Variants in ANKS1B observed in about 807,000 individuals in gnomAD.
ANKS1B encodes ankyrin repeat and sterile alpha motif domain containing 1B.
Under a neutral mutation model 148.3 loss-of-function variants are expected in ANKS1B, and 36 were observed. The observed-to-expected ratio is 0.24, with a 90% CI of 0.19 to 0.32. ANKS1B has a LOEUF of 0.32. Ranked by LOEUF, ANKS1B falls within the 10% of genes least tolerant of loss-of-function variation. ANKS1B has a pLI of 1.00. For synonymous variants in ANKS1B, 542 were observed against 560.8 expected, an observed-to-expected ratio of 0.97 and a Z score of 0.47; for missense variants, 1,157 against 1,542.6, an observed-to-expected ratio of 0.75 and a Z score of 4.19.
chr12:99,143,038 T>C (rs540995976), intron 15 of ANKS1B, among the ~76,000 whole-genome samples: 2 of 152,270 alleles, frequency 1.3e-5, no homozygotes, highest in South Asian at 2.1e-4. Flanking sequence ...AAACTTGAGA[T>C]ACATTTGTTT....
At chr12:99,595,049 T>G (rs147303078) in intron 9 of ANKS1B, among the ~76,000 whole-genome samples, 8 of 151,970 alleles carry the variant, frequency 5.3e-5, no homozygotes, top group Non-Finnish European at 1.0e-4. Flanking sequence ...TGAAAGAGCA[T>G]AGACTTTGGT....
intron 12 of ANKS1B, among the ~76,000 whole-genome samples, chr12:99,369,901 G>A (rs2093030537): frequency 6.7e-6 from 1 of 148,640 alleles, no homozygotes; most frequent in Non-Finnish European, 1.5e-5. Flanking sequence ...GATAAAATAT[G>A]GCAAATGTTA....
At chr12:99,184,957 A>C (rs191224751) in intron 14 of ANKS1B, among the ~76,000 whole-genome samples, 126 of 152,364 alleles carry the variant, frequency 8.3e-4, no homozygotes, top group Non-Finnish European at 1.5e-3. Flanking sequence ...TCACATATAC[A>C]TCCTATATAT....
chr12:99,283,028 G>A (rs1298379907), intron 12 of ANKS1B, among the ~76,000 whole-genome samples: 1 of 152,138 alleles, frequency 6.6e-6, no homozygotes, highest in African/African-American at 2.4e-5. Flanking sequence ...ACGTTTAGGG[G>A]TCAAAGAAAA....
intron 19 of ANKS1B, among the ~76,000 whole-genome samples, chr12:98,819,568 C>A (rs768479738): frequency 6.6e-6 from 1 of 152,174 alleles, no homozygotes; most frequent in African/African-American, 2.4e-5. Flanking sequence ...ATCAACTAGA[C>A]CTTTTCCAAT....
At chr12:99,214,497 A>T (rs939970789) in intron 14 of ANKS1B, among the ~76,000 whole-genome samples, 1 of 152,166 alleles carries the variant, frequency 6.6e-6, no homozygotes, top group African/African-American at 2.4e-5. Flanking sequence ...TATAAGGGGC[A>T]GTTCCCCTGC....
intron 12 of ANKS1B, among the ~76,000 whole-genome samples, chr12:99,349,980 G>A (rs897001238): frequency 4.6e-5 from 7 of 151,906 alleles, no homozygotes; most frequent in Non-Finnish European, 8.8e-5. Context: ...AATAAAAAAC[G>A]TTTACCTATT....
At chr12:99,010,378 T>C (rs1439355866) in intron 17 of ANKS1B, among the ~76,000 whole-genome samples, 1 of 152,166 alleles carries the variant, frequency 6.6e-6, no homozygotes, top group African/African-American at 2.4e-5. Context: ...ATAGAGTAAA[T>C]GCTAGTTGTT....
intron 25 of ANKS1B, among the ~76,000 whole-genome samples, chr12:98,754,374 T>C (rs2098177958): frequency 6.6e-6 from 1 of 152,210 alleles, no homozygotes; most frequent in African/African-American, 2.4e-5. Context: ...CTGTCAGCTT[T>C]GCCTCTTAGT....
chr12:99,098,775 C>T (rs763398908), intron 15 of ANKS1B, among the ~76,000 whole-genome samples: 2 of 151,028 alleles, frequency 1.3e-5, no homozygotes, highest in Non-Finnish European at 2.9e-5. Context: ...CCCCCACCCC[C>T]AGCTCTGCCA....
At chr12:99,732,477 C>T (rs1481917918) in intron 8 of ANKS1B, among the ~76,000 whole-genome samples, 1 of 152,064 alleles carries the variant, frequency 6.6e-6, no homozygotes, top group East Asian at 1.9e-4. Context: ...ATGAAAATAT[C>T]AGTGAAAGAA....
In ANKS1B at chr12:99,382,697, TA is replaced by T. The variant is rs398044709; in HGVS notation, c.1756+16933del. On this transcript the variant is annotated intron_variant, in intron 12 of 26. Transcript: ENST00000683438. ...TGGGTTGCAGAGTGGGACTCTGTATTAAAAAAAAAAAAAAAAAAAAAGAGAG... is the reference window on the plus strand; with the variant it reads ...TGGGTTGCAGAGTGGGACTCTGTATTAAAAAAAAAAAAAAAAAAAAGAGAG... Among the ~76,000 whole-genome samples, 30 of 82,246 alleles carry T rather than the reference TA, an allele frequency of 3.6e-4. 1 individual carries two copies. The highest frequency in any genetic ancestry group is 1.7e-3 in the South Asian group (3 of 1,802). The allele number at this position is 82,246 out of a possible 152,430, so 54.0% of individuals were successfully genotyped here. A position where few individuals can be genotyped will look rare whatever the true frequency, so the allele number is the denominator to read the frequency against.
chr12:99,510,637 A>G (rs1347284147), intron 9 of ANKS1B, among the ~76,000 whole-genome samples: 2 of 152,030 alleles, frequency 1.3e-5, no homozygotes, highest in Non-Finnish European at 2.9e-5. Context: ...CCTGGTGAAG[A>G]TGCTGTGAAC....
At chr12:98,789,911 A>G (rs1296799426) in intron 22 of ANKS1B, among the ~76,000 whole-genome samples, 3 of 152,204 alleles carry the variant, frequency 2.0e-5, no homozygotes, top group Admixed American at 1.3e-4. Flanking sequence ...CTTACTAGAA[A>G]AATAGTACCT....
At chr12:99,811,734 A>G (rs1253220891) in intron 3 of ANKS1B, among the ~76,000 whole-genome samples, 2 of 151,892 alleles carry the variant, frequency 1.3e-5, no homozygotes, top group Non-Finnish European at 1.5e-5. Flanking sequence ...TCACAAGAGT[A>G]CTTAACCATG....
Position 98,745,375 on chromosome 12 carries a change from CTTT to C in ANKS1B, c.*361_*363del, listed in dbSNP as rs71305587. 268,563 of 879,752 alleles carry C rather than the reference CTTT, an allele frequency of 0.31. 8,751 individuals are homozygous for C. Among genetic ancestry groups the C allele is most frequent in the East Asian group, 0.53 (3,618 of 6,882 alleles). 54.5% of individuals were successfully genotyped at this position (879,752 alleles called of 1,614,324 possible). On this transcript the variant is annotated 3_prime_UTR_variant, in exon 27 of 27. Transcript: ENST00000683438. Reference sequence around the variant, plus strand: ...TAGGCAGTATTAGAGATCCCCTTTACTTTTTTTTTTTTTTTTTTTTTTTTAAAG... The same window carrying C: ...TAGGCAGTATTAGAGATCCCCTTTACTTTTTTTTTTTTTTTTTTTTTAAAG...
intron 20 of ANKS1B, among the ~76,000 whole-genome samples, chr12:98,805,765 T>A (rs1041417930): frequency 6.6e-6 from 1 of 152,186 alleles, no homozygotes; most frequent in African/African-American, 2.4e-5. Flanking sequence ...CTAAAACAAA[T>A]TGTATCAGGT....
chr12:98,969,028 C>T (rs1433716976), intron 17 of ANKS1B, among the ~76,000 whole-genome samples: 1 of 152,148 alleles, frequency 6.6e-6, no homozygotes, highest in Middle Eastern at 3.2e-3. Context: ...ACAGTAACAT[C>T]CAGCCCCCAG....
intron 11 of ANKS1B, among the ~76,000 whole-genome samples, chr12:99,426,072 C>T (rs2095248874): frequency 1.3e-5 from 2 of 152,040 alleles, no homozygotes; most frequent in South Asian, 4.1e-4. Context: ...CTGAGCTAAT[C>T]ATTTGTAACT....
Sources: allele counts gnomAD v4.1 joint callset (sites outside exome capture counted in the v4.1 genomes callset), GRCh38; gene constraint gnomAD v4.1.1; transcripts MANE v1.5; gene names NCBI Gene and HGNC (gene_info 2026-07-23, HGNC 2026-07-21).